The following ZNF521 variants were observed in gnomAD, a reference collection of about 807,000 sequenced individuals.
The protein encoded by ZNF521 is LYST-interacting protein 3.
A neutral mutation model predicts 105.5 loss-of-function variants in ZNF521; 14 were observed. That is an observed-to-expected ratio of 0.13 (90% CI 0.09 to 0.21). ZNF521 has a LOEUF of 0.21. ZNF521 is among the 10% of genes least tolerant of loss of function. ZNF521 has a pLI of 1.00. For missense variants in ZNF521, 1,233 were observed against 1,629.7 expected, an observed-to-expected ratio of 0.76 and a Z score of 4.19; for synonymous variants, 635 against 606.0, an observed-to-expected ratio of 1.05 and a Z score of -0.70.
chr18:25,329,803 G>A (rs1209381626), intron 2 of ZNF521, among the ~76,000 whole-genome samples: 2 of 152,202 alleles, frequency 1.3e-5, no homozygotes, highest in Non-Finnish European at 2.9e-5. Flanking sequence ...TGGTAACTGA[G>A]AGGATGGCAT....
intron 3 of ZNF521, among the ~76,000 whole-genome samples, chr18:25,273,844 G>T (rs1909849473): frequency 1.3e-5 from 2 of 152,100 alleles, no homozygotes; most frequent in Admixed American, 1.3e-4. Flanking sequence ...GTCCATAACG[G>T]CTAATTTGGG....
At chr18:25,082,642 C>A (rs1222660105) in intron 7 of ZNF521, 3 of 420,334 alleles carry the variant, frequency 7.1e-6, no homozygotes, top group Non-Finnish European at 1.4e-5. Flanking sequence ...TTGAGACCAG[C>A]CTGGGCAACA....
chr18:25,064,579 T>A (rs1262354229), intron 7 of ZNF521, among the ~76,000 whole-genome samples: 2 of 152,220 alleles, frequency 1.3e-5, no homozygotes, highest in African/African-American at 4.8e-5. Context: ...TGAGACTGTC[T>A]TGTAGGTTAA....
intron 5 of ZNF521, among the ~76,000 whole-genome samples, chr18:25,123,129 T>C (rs1011997718): frequency 6.9e-6 from 1 of 145,102 alleles, no homozygotes; most frequent in African/African-American, 2.5e-5. Flanking sequence ...TATCTGTACT[T>C]ACAAATGACT....
intron 5 of ZNF521, among the ~76,000 whole-genome samples, chr18:25,159,246 T>C (rs989338737): frequency 6.6e-6 from 1 of 152,196 alleles, no homozygotes; most frequent in African/African-American, 2.4e-5. Flanking sequence ...TGGGGTGTAT[T>C]CTACAAAGTG....
At chr18:25,184,278 T>G (rs2035682979) in intron 5 of ZNF521, among the ~76,000 whole-genome samples, 1 of 152,188 alleles carries the variant, frequency 6.6e-6, no homozygotes, top group Non-Finnish European at 1.5e-5. Flanking sequence ...TATTTTAACC[T>G]GTTACAGTAG....
chr18:25,254,281 T>C (rs1333375440), intron 3 of ZNF521, among the ~76,000 whole-genome samples: 1 of 152,098 alleles, frequency 6.6e-6, no homozygotes, highest in African/African-American at 2.4e-5. Flanking sequence ...TATATACTTA[T>C]TTTGTCTTAC....
At chr18:25,066,732 C>T (rs2033071234) in intron 7 of ZNF521, among the ~76,000 whole-genome samples, 2 of 152,140 alleles carry the variant, frequency 1.3e-5, no homozygotes, top group Admixed American at 6.5e-5. Context: ...AGAACCAGTC[C>T]TGAGACAGCA....
chr18:25,210,711 C>A (rs758765877), intron 4 of ZNF521, among the ~76,000 whole-genome samples: 32 of 152,018 alleles, frequency 2.1e-4, no homozygotes, highest in Non-Finnish European at 3.7e-4. Context: ...TACAAAGAAC[C>A]TATGGCATAC....
chr18:25,314,613 T>C (rs952235548), intron 3 of ZNF521, among the ~76,000 whole-genome samples: 2 of 152,224 alleles, frequency 1.3e-5, no homozygotes, highest in African/African-American at 2.4e-5. Flanking sequence ...TAGGGCTTTA[T>C]ATATCTGGTC....
At position 25,062,752 on chromosome 18, in the gene ZNF521, C is replaced by CGAAAAAAA; in HGVS notation, c.3907-12_3907-11insTTTTTTTC. On this transcript the variant is annotated splice_polypyrimidine_tract_variant and intron_variant, in intron 7 of 7. Transcript: ENST00000361524. Reference sequence around the variant, plus strand: ...GGTCATTGTATGATTCTGTAAATAACAAAAAAAAAAAAAAAAAAAAAAAAA... The same window carrying CGAAAAAAA: ...GGTCATTGTATGATTCTGTAAATAACGAAAAAAAAAAAAAAAAAAAAAAAAAAAAAAAA... 2.8e-6 allele frequency: 1 copy of CGAAAAAAA among 359,496 alleles called. No individual in the cohort carries two copies. Among genetic ancestry groups the CGAAAAAAA allele is most frequent in the Non-Finnish European group, 4.3e-6 (1 of 234,470 alleles). The allele number at this position is 359,496 out of a possible 1,614,324, so 22.3% of individuals were successfully genotyped here. A position where few individuals can be genotyped will look rare whatever the true frequency, so the allele number is the denominator to read the frequency against.
At position 25,225,959 on chromosome 18, in the gene ZNF521, T is replaced by C; in HGVS notation, c.1959A>G (p.Leu653=). 1.2e-6 allele frequency: 2 copies of C among 1,614,068 alleles called. No individual in the cohort carries two copies. The highest frequency in any genetic ancestry group is 2.7e-5 in the African/African-American group (2 of 75,054). ...GAAGCACAGTGTCGAGATGAGTTTT[T>C]AGGTGAGTCTGAAAGCTGTCTAGGG... is the stretch of plus-strand genomic sequence containing the variant. ...YTSLDSFQTH[L]KTHLDTVLPK... Residue 653 remains leucine, a synonymous_variant, in exon 4 of 8, where the codon CTA becomes CTG. Transcript: ENST00000361524. The surrounding 1 kb of genome is among the most constrained non-coding windows in gnomAD (Gnocchi z 5.6).
chr18:25,069,649 T>G (rs1051923461), intron 7 of ZNF521, among the ~76,000 whole-genome samples: 1 of 152,220 alleles, frequency 6.6e-6, no homozygotes, highest in Non-Finnish European at 1.5e-5. Flanking sequence ...TATTGCATTT[T>G]TGTGAGCTAT....
At chr18:25,311,340 GT>G (rs1252201244) in intron 3 of ZNF521, among the ~76,000 whole-genome samples, 1 of 148,108 alleles carries the variant, frequency 6.8e-6, no homozygotes, top group African/African-American at 2.5e-5. Flanking sequence ...CACGAGCATC[GT>G]AAGTAGAGAA....
chr18:25,320,109 G>C (rs4553704), intron 3 of ZNF521, among the ~76,000 whole-genome samples: 24,394 of 152,136 alleles, frequency 0.16, 2,026 homozygotes, highest in African/African-American at 0.18. Context: ...ACATTATTAA[G>C]ACAACTGCTG....
chr18:25,152,670 T>C (rs150873676), intron 5 of ZNF521, among the ~76,000 whole-genome samples: 6 of 152,218 alleles, frequency 3.9e-5, no homozygotes, highest in Admixed American at 3.9e-4. Context: ...GATATTGTGT[T>C]ATGGTAAGTG....
chr18:25,077,140 CTT>C (rs2033380538), intron 7 of ZNF521, among the ~76,000 whole-genome samples: 1 of 152,172 alleles, frequency 6.6e-6, no homozygotes, highest in South Asian at 2.1e-4. Flanking sequence ...TCTCTTATCT[CTT>C]AAAAAATGCG....
At chr18:25,179,116 C>CTTTTTTTTTTTTTTTTTTTTTTTTTTT (rs1175859497) in intron 5 of ZNF521, among the ~76,000 whole-genome samples, 3 of 52,440 alleles carry the variant, frequency 5.7e-5, no homozygotes, top group Non-Finnish European at 1.0e-4. Context: ...TTCTTTATTC[C>CTTTTTTTTTTTTTTTTTTTTTTTTTTT]TTTTTTTTTT....
chr18:25,327,620 G>T, intron 2 of ZNF521: 1 of 536,254 alleles, frequency 1.9e-6, no homozygotes, highest in Non-Finnish European at 3.6e-6. Context: ...AGCCTTCCTG[G>T]TTTGCAAAAA....
Sources: allele counts gnomAD v4.1 joint callset (sites outside exome capture counted in the v4.1 genomes callset), GRCh38; gene constraint gnomAD v4.1.1; non-coding constraint Gnocchi (gnomAD v3.1); transcripts MANE v1.5; gene names NCBI Gene and HGNC (gene_info 2026-07-23, HGNC 2026-07-21).